CNTNAP2: variants seen among roughly 807,000 people sequenced by gnomAD.
The protein encoded by CNTNAP2 is contactin-associated protein-like 2.
Under a neutral mutation model 155.2 loss-of-function variants are expected in CNTNAP2, and 98 were observed. That is an observed-to-expected ratio of 0.63 (90% confidence interval 0.54 to 0.75). CNTNAP2 has a LOEUF of 0.75. Among genes scored for constraint, CNTNAP2 ranks in the 30% least tolerant of loss-of-function variants. CNTNAP2 has a pLI of 0.00. For synonymous variants in CNTNAP2, 651 were observed against 631.2 expected, an observed-to-expected ratio of 1.03 and a Z score of -0.47; for missense variants, 1,727 against 1,688.1, an observed-to-expected ratio of 1.02 and a Z score of -0.40.
Position 146,336,652 on chromosome 7 carries a change from ATT to A in CNTNAP2, c.97+219683_97+219684del, listed in dbSNP as rs368488587. ...GTACATGATTGTTCACAGCATTTCT[ATT>A]TTTAACGGCCCTAAACTGGAAAAAC... On this transcript the variant is annotated intron_variant, in intron 1 of 23. Coordinates refer to ENST00000361727, the MANE Select transcript of CNTNAP2 (RefSeq NM_014141.6). 6.4e-3 allele frequency among the ~76,000 whole-genome samples: 969 copies of A among 152,274 alleles called. 10 individuals are homozygous for A. The highest frequency in any genetic ancestry group is 0.022 in the African/African-American group (916 of 41,560).
chr7:146,404,514 ATT>A (rs1363656038), intron 1 of CNTNAP2, among the ~76,000 whole-genome samples: 5 of 152,070 alleles, frequency 3.3e-5, no homozygotes, highest in Non-Finnish European at 7.4e-5. Flanking sequence ...TCTCCATCTC[ATT>A]TTTTTCCTCC....
At chr7:147,185,841 T>C (rs1802554825) in intron 8 of CNTNAP2, among the ~76,000 whole-genome samples, 1 of 152,174 alleles carries the variant, frequency 6.6e-6, no homozygotes. Context: ...TCCTGTGCTG[T>C]TCTCGTGACA....
chr7:147,288,697 A>G (rs924020702), intron 8 of CNTNAP2, among the ~76,000 whole-genome samples: 11 of 152,338 alleles, frequency 7.2e-5, no homozygotes, highest in Middle Eastern at 3.4e-3. Flanking sequence ...TCTTCATGAT[A>G]TGAATATTTT....
chr7:148,006,061 G>A (rs13236937), intron 15 of CNTNAP2, among the ~76,000 whole-genome samples: 6,188 of 151,944 alleles, frequency 0.041, 250 homozygotes, highest in East Asian at 0.24. Flanking sequence ...GAAAAAAAAT[G>A]GACACAATAT....
chr7:147,998,647 G>C (rs1007600473), intron 15 of CNTNAP2, among the ~76,000 whole-genome samples: 1 of 152,204 alleles, frequency 6.6e-6, no homozygotes, highest in Non-Finnish European at 1.5e-5. Flanking sequence ...GCTTGAGCTG[G>C]AGAATATTAG....
chr7:146,628,994 G>C (rs1380332062), intron 1 of CNTNAP2, among the ~76,000 whole-genome samples: 1 of 152,126 alleles, frequency 6.6e-6, no homozygotes, highest in African/African-American at 2.4e-5. Context: ...CTGTGAGATA[G>C]TGTTCCACTT....
chr7:146,870,576 A>G (rs1795286449), intron 3 of CNTNAP2, among the ~76,000 whole-genome samples: 1 of 152,170 alleles, frequency 6.6e-6, no homozygotes, highest in African/African-American at 2.4e-5. Context: ...AACAAATATG[A>G]GTTTACTTAT....
intron 1 of CNTNAP2, among the ~76,000 whole-genome samples, chr7:146,631,411 A>G (rs541856653): frequency 3.9e-5 from 6 of 152,246 alleles, no homozygotes; most frequent in African/African-American, 1.4e-4. Flanking sequence ...GGCACCTGTT[A>G]TTATGGGCAT....
intron 1 of CNTNAP2, among the ~76,000 whole-genome samples, chr7:146,545,336 A>T (rs1452815326): frequency 6.6e-6 from 1 of 151,912 alleles, no homozygotes; most frequent in African/African-American, 2.4e-5. Flanking sequence ...AAACTGATTT[A>T]TTCATAGTTT....
intron 15 of CNTNAP2, among the ~76,000 whole-genome samples, chr7:148,038,404 A>G (rs1802608707): frequency 6.6e-6 from 1 of 152,208 alleles, no homozygotes; most frequent in Non-Finnish European, 1.5e-5. Flanking sequence ...CTATGATCCT[A>G]GGAAATCTCT....
chr7:146,475,021 A>G (rs1035833873), intron 1 of CNTNAP2, among the ~76,000 whole-genome samples: 15 of 150,684 alleles, frequency 1.0e-4, no homozygotes, highest in Non-Finnish European at 1.8e-4. Context: ...GCGCACACAC[A>G]CACACACACA....
chr7:146,328,310 A>C (rs963730116), intron 1 of CNTNAP2, among the ~76,000 whole-genome samples: 1 of 152,160 alleles, frequency 6.6e-6, no homozygotes, highest in East Asian at 1.9e-4. Flanking sequence ...ATTGTCTTCT[A>C]TGAAACTGGT....
At chr7:147,653,091 C>A (rs1225519661) in intron 13 of CNTNAP2, among the ~76,000 whole-genome samples, 1 of 152,158 alleles carries the variant, frequency 6.6e-6, no homozygotes, top group Non-Finnish European at 1.5e-5. Context: ...ATGCCTCTCT[C>A]TACAGAGCAT....
chr7:147,353,391 T>G (rs1796003555), intron 9 of CNTNAP2, among the ~76,000 whole-genome samples: 1 of 151,912 alleles, frequency 6.6e-6, no homozygotes, highest in Admixed American at 6.6e-5. Flanking sequence ...AGTGAGAACA[T>G]GTGGTGTTGG....
chr7:147,249,883 A>G (rs947355568), intron 8 of CNTNAP2, among the ~76,000 whole-genome samples: 2 of 152,082 alleles, frequency 1.3e-5, no homozygotes, highest in African/African-American at 4.8e-5. Context: ...TTCTCTGCAC[A>G]CACAACCCTC....
At chr7:147,525,802 C>T (rs942069123) in intron 11 of CNTNAP2, among the ~76,000 whole-genome samples, 3 of 152,066 alleles carry the variant, frequency 2.0e-5, no homozygotes, top group Admixed American at 6.6e-5. Context: ...TTTCATATTC[C>T]GATATGTTGT....
At chr7:146,250,218 C>A (rs1799734543) in intron 1 of CNTNAP2, among the ~76,000 whole-genome samples, 1 of 152,138 alleles carries the variant, frequency 6.6e-6, no homozygotes, top group African/African-American at 2.4e-5. Flanking sequence ...TTGTCTGAGG[C>A]TTCTTATGAT....
At chr7:147,483,361 G>A (rs967278084) in intron 10 of CNTNAP2, among the ~76,000 whole-genome samples, 1 of 152,074 alleles carries the variant, frequency 6.6e-6, no homozygotes, top group African/African-American at 2.4e-5. Flanking sequence ...TATCTATGGG[G>A]TGGGTGGGGA....
intron 3 of CNTNAP2, among the ~76,000 whole-genome samples, chr7:146,959,096 T>G (rs1006311434): frequency 7.2e-5 from 11 of 152,018 alleles, no homozygotes; most frequent in African/African-American, 2.7e-4. Context: ...CTCGGCTCAC[T>G]GCAACCTCCG....
Sources: allele counts gnomAD v4.1 joint callset (sites outside exome capture counted in the v4.1 genomes callset), GRCh38; gene constraint gnomAD v4.1.1; transcripts MANE v1.5; gene names NCBI Gene and HGNC (gene_info 2026-07-23, HGNC 2026-07-21).